DIP2C: variants seen among roughly 807,000 people sequenced by gnomAD.
DIP2C encodes disco-interacting protein 2 homolog C.
A neutral mutation model predicts 192.4 loss-of-function variants in DIP2C; 33 were observed. The observed-to-expected ratio is 0.17, with a 90% CI of 0.13 to 0.23. The LOEUF (loss-of-function observed/expected upper bound fraction) is 0.23, where lower values mean the gene tolerates loss of function less well. Ranked by LOEUF, DIP2C falls within the 10% of genes least tolerant of loss-of-function variation. DIP2C has a pLI of 1.00. For synonymous variants in DIP2C, 979 were observed against 864.1 expected (o/e 1.13, Z -2.33); for missense variants, 1,537 against 2,110.1 (o/e 0.73, Z 5.32).
At chr10:680,371 C>A (rs1831087031) in intron 1 of DIP2C, among the ~76,000 whole-genome samples, 1 of 152,222 alleles carries the variant, frequency 6.6e-6, no homozygotes, top group Non-Finnish European at 1.5e-5. Flanking sequence ...GCCCCTCTCC[C>A]AACAATGGCA....
At chr10:591,721 A>T (rs1201918424) in intron 1 of DIP2C, among the ~76,000 whole-genome samples, 2 of 152,166 alleles carry the variant, frequency 1.3e-5, no homozygotes, top group Non-Finnish European at 2.9e-5. Flanking sequence ...GGCAGGAACC[A>T]CCAAGGTAAC....
intron 1 of DIP2C, among the ~76,000 whole-genome samples, chr10:492,229 C>T (rs533205970): frequency 1.4e-4 from 21 of 152,336 alleles, no homozygotes; most frequent in Middle Eastern, 3.4e-3. Context: ...AGAATGCAAA[C>T]GTGGTGAGCC....
chr10:623,355 A>G (rs572800518), intron 1 of DIP2C, among the ~76,000 whole-genome samples: 1 of 151,504 alleles, frequency 6.6e-6, no homozygotes, highest in East Asian at 2.0e-4. Flanking sequence ...CGTGCTGGCG[A>G]GGGAGGTCAC....
At chr10:674,908 T>A (rs1049435051) in intron 1 of DIP2C, among the ~76,000 whole-genome samples, 5 of 149,986 alleles carry the variant, frequency 3.3e-5, no homozygotes, top group Non-Finnish European at 7.4e-5. Flanking sequence ...AACAACAAAA[T>A]ATCGAATTTA....
chr10:434,417 G>C (rs1967007800), intron 4 of DIP2C, among the ~76,000 whole-genome samples: 2 of 152,084 alleles, frequency 1.3e-5, no homozygotes, highest in Middle Eastern at 3.2e-3. Flanking sequence ...CAAAGTAGCT[G>C]GGACTACAGG....
chr10:621,800 T>G (rs931016400), intron 1 of DIP2C, among the ~76,000 whole-genome samples: 12 of 152,172 alleles, frequency 7.9e-5, no homozygotes, highest in Non-Finnish European at 1.5e-4. Context: ...ACGGAGTGCT[T>G]CTTTCTGCTG....
At chr10:594,632 G>C (rs1336911294) in intron 1 of DIP2C, among the ~76,000 whole-genome samples, 1 of 151,356 alleles carries the variant, frequency 6.6e-6, no homozygotes, top group Non-Finnish European at 1.5e-5. Context: ...GGAACTGGAG[G>C]GCACGTGGTG....
intron 1 of DIP2C, among the ~76,000 whole-genome samples, chr10:629,248 C>A (rs1854370415): frequency 6.6e-6 from 1 of 152,146 alleles, no homozygotes; most frequent in South Asian, 2.1e-4. Context: ...CCTCATGGTC[C>A]CAAGAGGCGG....
intron 8 of DIP2C, 60 bp from the exon 9 acceptor site, chr10:409,077 G>A (rs1004057176): frequency 1.9e-6 from 3 of 1,561,002 alleles, no homozygotes; most frequent in South Asian, 1.1e-5. Flanking sequence ...CACAGCTTCT[G>A]CAAGTCAAAG....
At chr10:688,286 C>T (rs1831405037) in intron 1 of DIP2C, among the ~76,000 whole-genome samples, 1 of 152,152 alleles carries the variant, frequency 6.6e-6, no homozygotes. Flanking sequence ...TGACACACCT[C>T]GCGGAACCCC....
Position 517,184 on chromosome 10 carries a change from C to CT in DIP2C, c.86-30655dup, listed in dbSNP as rs149519789. Reference sequence around the variant, plus strand: ...TACACATCCCCATCCAGCCAAGCCCCTTCTCCTTTTCCCTTCTCCATTTCT... The same window carrying CT: ...TACACATCCCCATCCAGCCAAGCCCCTTTCTCCTTTTCCCTTCTCCATTTCT... On this transcript the variant is annotated intron_variant, in intron 1 of 36. Transcript: ENST00000280886. Among the ~76,000 whole-genome samples the CT allele has an allele frequency of 1.3e-5, 2 of 152,268 alleles. 1 individual carries two copies. The highest frequency in any genetic ancestry group is 4.8e-5 in the African/African-American group (2 of 41,526).
intron 10 of DIP2C, among the ~76,000 whole-genome samples, chr10:391,154 G>A (rs997722040): frequency 5.3e-5 from 8 of 152,172 alleles, no homozygotes; most frequent in African/African-American, 1.7e-4. Context: ...AGCGGGTCGC[G>A]TTAAGAGCCT....
rs79193825 is a variant in DIP2C at position 325,407 on chromosome 10, C to T, written c.3924+1599G>A. Among the ~76,000 whole-genome samples the T allele has an allele frequency of 2.8e-4, 43 of 152,320 alleles. No homozygotes were observed. The East Asian group carries it at 6.9e-3, about 25-fold the overall frequency. Reference sequence around the variant, plus strand: ...GAACTCTGTCACCTGCTGGAGGGCACGATGCGACGGGTTACTCTCTGCTCT... The same window carrying T: ...GAACTCTGTCACCTGCTGGAGGGCATGATGCGACGGGTTACTCTCTGCTCT... On this transcript the variant is annotated intron_variant, in intron 31 of 36. Transcript: ENST00000280886.
chr10:363,084 A>G lies in DIP2C; in HGVS notation c.2592+113T>C, dbSNP rs1959731124. ...GTTCCTGATCAAATGAAGGGAAGGG[A>G]AAAAGGGCCACCCCATGGGCAAAGC... On this transcript the variant is annotated intron_variant, in intron 21 of 36. Coordinates refer to ENST00000280886, the MANE Select transcript of DIP2C (RefSeq NM_014974.3). The surrounding 1 kb of genome is among the most constrained non-coding windows in gnomAD (Gnocchi z 5.4). 1.1e-6 allele frequency: 1 copy of G among 888,760 alleles called. No homozygotes were observed. Among genetic ancestry groups the G allele is most frequent in the Admixed American group, 2.6e-5 (1 of 38,810 alleles). 55.1% of individuals were successfully genotyped at this position (888,760 alleles called of 1,614,324 possible). A position where few individuals can be genotyped will look rare whatever the true frequency, so the allele number is the denominator to read the frequency against.
intron 3 of DIP2C, among the ~76,000 whole-genome samples, chr10:467,633 G>A (rs368478596): frequency 2.0e-5 from 3 of 150,966 alleles, no homozygotes; most frequent in East Asian, 3.9e-4. Flanking sequence ...TAAAAAACGG[G>A]TAAATTCATG....
intron 1 of DIP2C, among the ~76,000 whole-genome samples, chr10:544,114 A>G (rs375844525): frequency 9.6e-4 from 146 of 152,294 alleles, no homozygotes; most frequent in African/African-American, 3.1e-3. Context: ...CATCTTTCAC[A>G]TTCAAGGTGA....
intron 29 of DIP2C, 140 bp from the exon 30 acceptor site, chr10:329,741 G>A (rs1957420419): frequency 1.8e-6 from 2 of 1,103,750 alleles, no homozygotes; most frequent in South Asian, 3.4e-5. Context: ...GAAGGGCACA[G>A]TAAAGCCAAC....
intron 29 of DIP2C, among the ~76,000 whole-genome samples, chr10:332,634 G>A (rs939990648): frequency 5.9e-5 from 9 of 152,102 alleles, no homozygotes. Context: ...TGAGAATGTT[G>A]GGAACCTGAG....
At chr10:556,113 G>C (rs1217149520) in intron 1 of DIP2C, among the ~76,000 whole-genome samples, 1 of 55,414 alleles carries the variant, frequency 1.8e-5, no homozygotes, top group Non-Finnish European at 3.3e-5. Context: ...CGGATCCCCG[G>C]ACAGCAACCA....
Sources: gnomAD v4.1 joint callset for allele counts (sites outside exome capture counted in the v4.1 genomes callset) on GRCh38, gnomAD v4.1.1 for gene constraint, Gnocchi (gnomAD v3.1) non-coding constraint, MANE v1.5 for transcripts, NCBI Gene and HGNC (gene_info 2026-07-23, HGNC 2026-07-21) for gene names.